GRIK1: variants seen among roughly 807,000 people sequenced by gnomAD.
GRIK1 encodes the protein glutamate receptor ionotropic, kainate 1.
GRIK1 carries 69 observed loss-of-function variants against 105.7 expected under a neutral mutation model. The observed-to-expected ratio is 0.65, with a 90% confidence interval of 0.54 to 0.80. The LOEUF is 0.80. Ranked by LOEUF, GRIK1 falls within the 30% of genes least tolerant of loss-of-function variation. GRIK1 has a pLI of 0.00. For missense variants in GRIK1, 1,109 were observed against 1,167.3 expected (o/e 0.95, Z 0.73); for synonymous variants, 438 against 431.3 (o/e 1.02, Z -0.19).
chr21:29,874,554 ACCT>A (rs995289854), intron 1 of GRIK1, among the ~76,000 whole-genome samples: 4 of 152,074 alleles, frequency 2.6e-5, no homozygotes, highest in Non-Finnish European at 5.9e-5. Flanking sequence ...TCCGCCGCTC[ACCT>A]CCTGCTGTGC....
At chr21:29,895,914 T>C (rs558713014) in intron 1 of GRIK1, among the ~76,000 whole-genome samples, 2 of 152,312 alleles carry the variant, frequency 1.3e-5, no homozygotes, top group African/African-American at 2.4e-5. Context: ...ATACTCAGTG[T>C]AGCACTTTCA....
chr21:29,542,492 C>T (rs950753417), intron 16 of GRIK1, among the ~76,000 whole-genome samples: 11 of 152,076 alleles, frequency 7.2e-5, no homozygotes, highest in African/African-American at 1.7e-4. Flanking sequence ...CTCTGCCTCA[C>T]GAAGAATGAT....
chr21:29,685,760 G>C (rs759439057), intron 3 of GRIK1, among the ~76,000 whole-genome samples: 4 of 152,110 alleles, frequency 2.6e-5, no homozygotes, highest in Non-Finnish European at 5.9e-5. Flanking sequence ...AAAAAGACTG[G>C]AAAGTTCTCA....
chr21:29,645,091 T>C (rs1045350710), intron 6 of GRIK1, among the ~76,000 whole-genome samples: 1 of 152,230 alleles, frequency 6.6e-6, no homozygotes, highest in African/African-American at 2.4e-5. Context: ...TAAAGGTTAA[T>C]ATTCACTGAT....
At chr21:29,608,968 A>G (rs541253574) in intron 7 of GRIK1, among the ~76,000 whole-genome samples, 1 of 152,154 alleles carries the variant, frequency 6.6e-6, no homozygotes, top group South Asian at 2.1e-4. Context: ...GACAAGTAGG[A>G]TTAAGTGAAC....
intron 1 of GRIK1, among the ~76,000 whole-genome samples, chr21:29,901,851 A>T (rs1457272235): frequency 6.6e-6 from 1 of 152,170 alleles, no homozygotes; most frequent in Non-Finnish European, 1.5e-5. Context: ...AAAAAAAAGG[A>T]GAATTTTAGG....
chr21:29,642,275 C>T (rs1361310988), intron 7 of GRIK1, among the ~76,000 whole-genome samples: 1 of 152,208 alleles, frequency 6.6e-6, no homozygotes, highest in Non-Finnish European at 1.5e-5. Flanking sequence ...ATATCTATCC[C>T]TGCAAATACC....
chr21:29,865,131 T>C (rs1286294259), intron 1 of GRIK1, among the ~76,000 whole-genome samples: 1 of 152,216 alleles, frequency 6.6e-6, no homozygotes, highest in Non-Finnish European at 1.5e-5. Flanking sequence ...TGTCTATTTT[T>C]ACAAAGCAGA....
In GRIK1 at chr21:29,939,613, C is replaced by A; in HGVS notation, c.-113G>T. The stretch of plus-strand genomic sequence containing the variant: ...CCTCTCTGGATGCTCCGGTTCCAAG[C>A]ACGCTGCGCGCTCCCCACGGAGCGA... On this transcript the variant is annotated 5_prime_UTR_variant, in exon 1 of 18. Coordinates refer to ENST00000327783, the MANE Select transcript of GRIK1 (RefSeq NM_001330994.2). 1.6e-6 allele frequency: 1 copy of A among 641,990 alleles called. No homozygotes were observed. Among genetic ancestry groups the A allele is most frequent in the Non-Finnish European group, 2.6e-6 (1 of 386,974 alleles). 39.8% of individuals were successfully genotyped at this position (641,990 alleles called of 1,614,324 possible). A position where few individuals can be genotyped will look rare whatever the true frequency, so the allele number is the denominator to read the frequency against.
At position 29,848,755 on chromosome 21, in the gene GRIK1, G is replaced by GTA. The variant is rs1555898463; in HGVS notation, c.118+90626_118+90627dup. Among the ~76,000 whole-genome samples the GTA allele has an allele frequency of 1.7e-3, 152 of 91,226 alleles. 2 individuals are homozygous for GTA. Among genetic ancestry groups the GTA allele is most frequent in the African/African-American group, 4.5e-3 (101 of 22,272 alleles). The allele number at this position is 91,226 out of a possible 152,430, so 59.8% of individuals were successfully genotyped here. A position where few individuals can be genotyped will look rare whatever the true frequency, so the allele number is the denominator to read the frequency against. On this transcript the variant is annotated intron_variant, in intron 1 of 17. Coordinates refer to ENST00000327783, the MANE Select transcript of GRIK1 (RefSeq NM_001330994.2). ...TCCTTAAATAGACCAAGTTGTGTGT[G>GTA]TATATATATATATATATATATATAT...
intron 1 of GRIK1, among the ~76,000 whole-genome samples, chr21:29,822,351 G>T (rs565534322): frequency 1.3e-5 from 2 of 152,064 alleles, no homozygotes; most frequent in Non-Finnish European, 2.9e-5. Flanking sequence ...TAGTAGCATG[G>T]ATGTTGTTGT....
At chr21:29,659,469 A>G (rs1293246718) in intron 4 of GRIK1, among the ~76,000 whole-genome samples, 2 of 152,236 alleles carry the variant, frequency 1.3e-5, no homozygotes, top group African/African-American at 4.8e-5. Context: ...CTGCATACTT[A>G]TGAAATTCCA....
At position 29,899,152 on chromosome 21, in the gene GRIK1, A is replaced by C. The variant is rs933464948; in HGVS notation, c.118+40231T>G. 2.6e-5 allele frequency among the ~76,000 whole-genome samples: 4 copies of C among 152,252 alleles called. No individual in the cohort carries two copies. In the South Asian group the frequency reaches 8.3e-4, roughly 32 times the overall value. On this transcript the variant is annotated intron_variant, in intron 1 of 17. Coordinates refer to ENST00000327783, the MANE Select transcript of GRIK1 (RefSeq NM_001330994.2). ...TTGAAATCAGCTAAATATATACAATATTGCTCAAAGTGTCCTGAAATTACT... is the reference window on the plus strand; with the variant it reads ...TTGAAATCAGCTAAATATATACAATCTTGCTCAAAGTGTCCTGAAATTACT...
At position 29,628,651 on chromosome 21, in the gene GRIK1, A is replaced by G. The variant is rs548473774; in HGVS notation, c.1098+14175T>C. Reference sequence around the variant, plus strand: ...AAATGGAATAAATTGGCTTCTGTACATGCAAATCAACTAAATGGGCAGGAT... The same window carrying G: ...AAATGGAATAAATTGGCTTCTGTACGTGCAAATCAACTAAATGGGCAGGAT... On this transcript the variant is annotated intron_variant, in intron 7 of 17. Transcript: ENST00000327783. Among the ~76,000 whole-genome samples, 7 of 152,326 alleles carry G rather than the reference A, an allele frequency of 4.6e-5. 1 individual carries two copies. Among genetic ancestry groups the G allele is most frequent in the East Asian group, 1.9e-4 (1 of 5,190 alleles).
chr21:29,648,975 C>G (rs1222356404), intron 6 of GRIK1, among the ~76,000 whole-genome samples: 1 of 152,150 alleles, frequency 6.6e-6, no homozygotes, highest in African/African-American at 2.4e-5. Context: ...TAAATAGAGG[C>G]AACTTGACAG....
At chr21:29,891,647 C>A (rs947893953) in intron 1 of GRIK1, among the ~76,000 whole-genome samples, 15 of 152,212 alleles carry the variant, frequency 9.9e-5, no homozygotes, top group African/African-American at 3.6e-4. Flanking sequence ...CGTTAGAACA[C>A]CTGTTTGATC....
intron 1 of GRIK1, among the ~76,000 whole-genome samples, chr21:29,854,338 ACC>A (rs112878380): frequency 6.6e-6 from 1 of 151,208 alleles, no homozygotes; most frequent in Admixed American, 6.6e-5. Context: ...TGACCCAAAC[ACC>A]CCCCCACCAA....
intron 1 of GRIK1, among the ~76,000 whole-genome samples, chr21:29,733,812 T>C (rs2064700647): frequency 6.6e-6 from 1 of 152,138 alleles, no homozygotes; most frequent in Non-Finnish European, 1.5e-5. Context: ...ACTAACATAA[T>C]GTCACTCAGT....
At chr21:29,811,203 G>A (rs1472810295) in intron 1 of GRIK1, among the ~76,000 whole-genome samples, 1 of 152,040 alleles carries the variant, frequency 6.6e-6, no homozygotes, top group Non-Finnish European at 1.5e-5. Context: ...TTTCATGGAG[G>A]GGAAGCTGGA....
Sources: gnomAD v4.1 joint callset for allele counts (sites outside exome capture counted in the v4.1 genomes callset) on GRCh38, gnomAD v4.1.1 for gene constraint, MANE v1.5 for transcripts, NCBI Gene and HGNC (gene_info 2026-07-23, HGNC 2026-07-21) for gene names.